The following PHACTR1 variants were observed in gnomAD, a reference collection of about 807,000 sequenced individuals.
The protein encoded by PHACTR1 is RPEL repeat containing 1.
PHACTR1 carries 16 observed loss-of-function variants against 69.2 expected under a neutral mutation model. The ratio of observed to expected loss-of-function variants is 0.23; its 90% CI spans 0.16 to 0.35. The LOEUF is 0.35. Among genes scored for constraint, PHACTR1 ranks in the 10% least tolerant of loss-of-function variants. The pLI, the probability that PHACTR1 is intolerant of heterozygous loss-of-function variation, is 1.00. For missense variants in PHACTR1, 510 were observed against 734.7 expected, an observed-to-expected ratio of 0.69 and a Z score of 3.54; for synonymous variants, 312 against 284.5, an observed-to-expected ratio of 1.10 and a Z score of -0.97.
intron 6 of PHACTR1, among the ~76,000 whole-genome samples, chr6:13,167,629 A>G (rs934375947): frequency 6.6e-6 from 1 of 152,218 alleles, no homozygotes; most frequent in African/African-American, 2.4e-5. Flanking sequence ...TGTATCCTGC[A>G]AGGAAAGAAT....
At chr6:13,239,218 G>C (rs1408377353) in intron 10 of PHACTR1, among the ~76,000 whole-genome samples, 1 of 152,224 alleles carries the variant, frequency 6.6e-6, no homozygotes, top group African/African-American at 2.4e-5. Context: ...ACTGAAGGAA[G>C]ACGCCAGTCA....
chr6:13,111,458 T>G (rs1406793823), intron 5 of PHACTR1, among the ~76,000 whole-genome samples: 1 of 152,202 alleles, frequency 6.6e-6, no homozygotes, highest in Non-Finnish European at 1.5e-5. Context: ...TAATATCAAA[T>G]AGTAGAGAAA....
intron 11 of PHACTR1, among the ~76,000 whole-genome samples, chr6:13,277,226 C>G (rs768552881): frequency 1.3e-5 from 2 of 152,212 alleles, no homozygotes; most frequent in Non-Finnish European, 2.9e-5. Flanking sequence ...ACCCCAGACT[C>G]TCCCATGTAC....
At chr6:12,921,639 G>C in intron 4 of PHACTR1, among the ~76,000 whole-genome samples, 1 of 113,438 alleles carries the variant, frequency 8.8e-6, no homozygotes, top group Non-Finnish European at 1.8e-5. Flanking sequence ...GAGAGGGAGG[G>C]AGGGAGGGAA....
chr6:13,157,777 C>T (rs550908729), intron 5 of PHACTR1, among the ~76,000 whole-genome samples: 1 of 152,290 alleles, frequency 6.6e-6, no homozygotes, highest in Admixed American at 6.5e-5. Context: ...CTTTTTGTCA[C>T]CCAAACATCT....
chr6:12,772,991 A>G (rs559526794), intron 4 of PHACTR1, among the ~76,000 whole-genome samples: 17 of 152,306 alleles, frequency 1.1e-4, no homozygotes, highest in African/African-American at 3.8e-4. Flanking sequence ...AGACATTTAT[A>G]TGAAGATACA....
chr6:13,167,575 G>A (rs1759993477), intron 6 of PHACTR1, among the ~76,000 whole-genome samples: 1 of 152,194 alleles, frequency 6.6e-6, no homozygotes, highest in Admixed American at 6.5e-5. Context: ...AGACCTGGGG[G>A]AAGAGGTAAT....
At position 13,106,584 on chromosome 6, in the gene PHACTR1, C is replaced by G. The variant is rs556298705; in HGVS notation, c.415+53055C>G. On this transcript the variant is annotated intron_variant, in intron 5 of 14. Transcript: ENST00000332995. ...GCCTTGACCTCCAGGTTCAAGCAAT[C>G]CTCCCAACTCAGCCTCCTAAGGAGC... 1.2e-4 allele frequency among the ~76,000 whole-genome samples: 19 copies of G among 152,232 alleles called. No homozygotes were observed. The South Asian group carries it at 3.9e-3, about 32-fold the overall frequency.
intron 5 of PHACTR1, among the ~76,000 whole-genome samples, chr6:13,141,879 C>G (rs980076503): frequency 1.3e-5 from 2 of 151,980 alleles, no homozygotes; most frequent in African/African-American, 4.8e-5. Context: ...TTCCCAAATA[C>G]AGAAGAATAA....
intron 5 of PHACTR1, among the ~76,000 whole-genome samples, chr6:13,106,349 G>A (rs537439729): frequency 6.6e-6 from 1 of 152,306 alleles, no homozygotes; most frequent in African/African-American, 2.4e-5. Context: ...ATACAGCACA[G>A]TGTTAAATAG....
intron 3 of PHACTR1, among the ~76,000 whole-genome samples, chr6:12,738,362 T>A (rs1479908601): frequency 2.6e-5 from 4 of 152,196 alleles, no homozygotes; most frequent in Non-Finnish European, 5.9e-5. Flanking sequence ...GAAGGTGCTG[T>A]CCCCTTTCTA....
At chr6:12,830,366 T>C (rs1254113754) in intron 4 of PHACTR1, among the ~76,000 whole-genome samples, 5 of 151,316 alleles carry the variant, frequency 3.3e-5, no homozygotes, top group African/African-American at 1.2e-4. Context: ...AAGGCATTGA[T>C]GGTAAGGTAC....
rs759693137 is a variant in PHACTR1, at chr6:13,228,056, A to G, written c.1227A>G (p.Leu409=). The G allele has an allele frequency of 1.2e-6, 2 of 1,611,178 alleles. No individual in the cohort carries two copies. Among genetic ancestry groups the G allele is most frequent in the Non-Finnish European group, 1.7e-6 (2 of 1,179,748 alleles). The change falls in exon 9 of 15, where the codon TTA becomes TTG. Residue 409 remains leucine, a synonymous_variant. Transcript: ENST00000332995. ...AGGACGAAGACGACGACAGCTCATT[A>G]TACACCAGTGCGTTCATCTTAACTC... The part of the protein sequence containing the change: ...EEEDEDDDSS[L]YTSSLAMKVC...
chr6:12,872,527 C>T (rs562726638), intron 4 of PHACTR1, among the ~76,000 whole-genome samples: 1 of 152,106 alleles, frequency 6.6e-6, no homozygotes, highest in African/African-American at 2.4e-5. Context: ...ATGTACATAA[C>T]CACTTAATTA....
chr6:12,865,485 C>CGTGT (rs1026922595), intron 4 of PHACTR1, among the ~76,000 whole-genome samples: 4 of 146,018 alleles, frequency 2.7e-5, no homozygotes, highest in African/African-American at 1.0e-4. Flanking sequence ...TGTGTGCCTG[C>CGTGT]GTGTGTGTAG....
intron 4 of PHACTR1, among the ~76,000 whole-genome samples, chr6:12,762,502 T>A (rs1438888417): frequency 3.9e-5 from 6 of 152,254 alleles, no homozygotes; most frequent in Admixed American, 3.9e-4. Context: ...GTGAAAAATT[T>A]CACAATAGCT....
intron 5 of PHACTR1, among the ~76,000 whole-genome samples, chr6:13,132,088 A>G (rs1820558811): frequency 6.6e-6 from 1 of 152,228 alleles, no homozygotes; most frequent in South Asian, 2.1e-4. Flanking sequence ...CATCTCAGGC[A>G]TCAAATTCAT....
intron 5 of PHACTR1, among the ~76,000 whole-genome samples, chr6:13,118,999 A>C (rs1818244778): frequency 6.6e-6 from 1 of 152,212 alleles, no homozygotes; most frequent in South Asian, 2.1e-4. Context: ...AGCACCTAGC[A>C]CATAATAGAC....
At chr6:12,746,760 T>C (rs1489039111) in intron 3 of PHACTR1, among the ~76,000 whole-genome samples, 1 of 152,234 alleles carries the variant, frequency 6.6e-6, no homozygotes, top group Non-Finnish European at 1.5e-5. Flanking sequence ...TTCAAAGATG[T>C]ACTTCTCTGA....
Sources: allele counts gnomAD v4.1 joint callset (sites outside exome capture counted in the v4.1 genomes callset), GRCh38; gene constraint gnomAD v4.1.1; transcripts MANE v1.5; gene names NCBI Gene and HGNC (gene_info 2026-07-23, HGNC 2026-07-21).